SYK: variants seen among roughly 807,000 people sequenced by gnomAD.
The protein encoded by SYK is tyrosine-protein kinase SYK.
Under a neutral mutation model 77.8 loss-of-function variants are expected in SYK, and 16 were observed. That is an observed-to-expected ratio of 0.21 (90% confidence interval 0.14 to 0.31). The LOEUF is 0.31. Ranked by LOEUF, SYK falls within the 10% of genes least tolerant of loss-of-function variation. The probability of loss-of-function intolerance (pLI) is 1.00; values close to 1 mark genes in which losing one functional copy is unlikely to be tolerated. For missense variants in SYK, 529 were observed against 814.4 expected (o/e 0.65, Z 4.26); for synonymous variants, 312 against 308.7 (o/e 1.01, Z -0.11).
intron 7 of SYK, among the ~76,000 whole-genome samples, chr9:90,868,185 G>A (rs116294923): frequency 2.8e-4 from 43 of 152,294 alleles, no homozygotes; most frequent in African/African-American, 9.4e-4. Context: ...ATTTAATGCA[G>A]TGTTCGAGAG....
chr9:90,832,562 C>T (rs1825933080), intron 1 of SYK, among the ~76,000 whole-genome samples: 1 of 152,200 alleles, frequency 6.6e-6, no homozygotes, highest in Admixed American at 6.5e-5. Flanking sequence ...TCCTTCCTTC[C>T]TAACCTCTAT....
chr9:90,892,832 C>T (rs1407574077), intron 13 of SYK, among the ~76,000 whole-genome samples: 1 of 152,250 alleles, frequency 6.6e-6, no homozygotes. Context: ...TTCCTGGGCT[C>T]TCCAGGTTCT....
At chr9:90,804,237 T>C (rs547402892) in intron 1 of SYK, among the ~76,000 whole-genome samples, 1 of 152,328 alleles carries the variant, frequency 6.6e-6, no homozygotes, top group Admixed American at 6.5e-5. Context: ...CCGATCAAAA[T>C]AGAGGTACTT....
chr9:90,833,073 A>G (rs1405963259), intron 1 of SYK, among the ~76,000 whole-genome samples: 2 of 152,230 alleles, frequency 1.3e-5, no homozygotes, highest in African/African-American at 4.8e-5. Context: ...CCAATGAGGC[A>G]TCTGGTTTCC....
intron 5 of SYK, 56 bp downstream of exon 5, chr9:90,864,723 T>C (rs1827410546): frequency 1.3e-6 from 2 of 1,509,712 alleles, no homozygotes; most frequent in Admixed American, 3.4e-5. Flanking sequence ...ACAATCAGCC[T>C]CATTTTAGAC....
intron 1 of SYK, among the ~76,000 whole-genome samples, chr9:90,827,177 G>T (rs529883613): frequency 6.6e-6 from 1 of 151,992 alleles, no homozygotes; most frequent in Non-Finnish European, 1.5e-5. Flanking sequence ...AAACACTTGG[G>T]AAAGGGCATT....
chr9:90,877,874 C>A, intron 10 of SYK, 94 bp downstream of exon 10: 1 of 1,277,162 alleles, frequency 7.8e-7, no homozygotes, highest in Admixed American at 1.9e-5. Flanking sequence ...CCTTGGGAAG[C>A]CTTCCCACCC....
At chr9:90,856,794 C>T (rs1827054350) in intron 3 of SYK, among the ~76,000 whole-genome samples, 2 of 152,260 alleles carry the variant, frequency 1.3e-5, no homozygotes, top group South Asian at 2.1e-4. Context: ...TTTCTCATAA[C>T]TCATGCTTCC....
chr9:90,832,157 T>A (rs1825921263), intron 1 of SYK, among the ~76,000 whole-genome samples: 1 of 152,244 alleles, frequency 6.6e-6, no homozygotes, highest in Non-Finnish European at 1.5e-5. Context: ...CAGGAGCAAC[T>A]GTTCAGGATT....
At chr9:90,864,089 C>T (rs1827374734) in intron 4 of SYK, among the ~76,000 whole-genome samples, 1 of 152,126 alleles carries the variant, frequency 6.6e-6, no homozygotes, top group Admixed American at 6.6e-5. Flanking sequence ...TTCTTGACAG[C>T]GTTCTAAGGT....
chr9:90,844,093 C>T lies in SYK; in HGVS notation c.195C>T (p.Thr65=), dbSNP rs1826480433. 2.5e-6 allele frequency: 4 copies of T among 1,613,068 alleles called. No individual in the cohort carries two copies. Among genetic ancestry groups the T allele is most frequent in the Middle Eastern group, 3.3e-4 (2 of 6,046 alleles). The change falls in exon 2 of 14, where the codon ACC becomes ACT. Residue 65 remains threonine, a synonymous_variant. Coordinates refer to ENST00000375754, the MANE Select transcript of SYK (RefSeq NM_003177.7). ...ACGGGAGGAAGGCACACCACTACAC[C>T]ATCGAGCGGGAGCTGAATGGCACCT... is the stretch of plus-strand genomic sequence containing the variant. ...VAHGRKAHHY[T]IERELNGTYA...
chr9:90,818,779 G>T (rs1364008080), intron 1 of SYK, among the ~76,000 whole-genome samples: 2 of 152,220 alleles, frequency 1.3e-5, no homozygotes, highest in Admixed American at 1.3e-4. Context: ...AGAGTAATCT[G>T]CTCAAGGCTG....
intron 7 of SYK, 49 bp downstream of exon 7, chr9:90,867,248 G>A (rs555163892): frequency 9.5e-6 from 15 of 1,582,998 alleles, no homozygotes; most frequent in African/African-American, 1.3e-5. Flanking sequence ...TAGGACCAAC[G>A]CGCACTCAGC....
intron 6 of SYK, among the ~76,000 whole-genome samples, chr9:90,865,429 T>C (rs1387071210): frequency 6.6e-6 from 1 of 151,960 alleles, no homozygotes; most frequent in Non-Finnish European, 1.5e-5. Context: ...TGCCTCAGCC[T>C]CCCGAGTAGC....
chr9:90,830,471 T>G (rs1825839948), intron 1 of SYK, among the ~76,000 whole-genome samples: 1 of 152,052 alleles, frequency 6.6e-6, no homozygotes, highest in Admixed American at 6.6e-5. Flanking sequence ...TGGTGCTGGG[T>G]GGGGTGGTCC....
At chr9:90,878,397 G>A (rs2118891853) in intron 10 of SYK, among the ~76,000 whole-genome samples, 1 of 152,312 alleles carries the variant, frequency 6.6e-6, no homozygotes, top group South Asian at 2.1e-4. Context: ...GAAGGGAGGT[G>A]TTCTTACCCT....
intron 1 of SYK, among the ~76,000 whole-genome samples, chr9:90,809,728 C>G (rs1388707539): frequency 6.6e-6 from 1 of 152,170 alleles, no homozygotes; most frequent in Non-Finnish European, 1.5e-5. Context: ...GAACTAGAGC[C>G]TCGTGGAAAG....
At chr9:90,810,953 C>T (rs187706324) in intron 1 of SYK, among the ~76,000 whole-genome samples, 1 of 151,768 alleles carries the variant, frequency 6.6e-6, no homozygotes, top group Admixed American at 6.6e-5. Flanking sequence ...CTTGGGAAAA[C>T]GGCAAATCGT....
At chr9:90,887,609 G>C (rs56118310) in intron 11 of SYK, 140 bp from the exon 12 acceptor site, 3 of 924,686 alleles carry the variant, frequency 3.2e-6, no homozygotes, top group Admixed American at 3.0e-5. Context: ...TTTCCTCTTG[G>C]CCAGGCTGGT....
Sources: allele counts gnomAD v4.1 joint callset (sites outside exome capture counted in the v4.1 genomes callset), GRCh38; gene constraint gnomAD v4.1.1; transcripts MANE v1.5; gene names NCBI Gene and HGNC (gene_info 2026-07-23, HGNC 2026-07-21).